Variants in ATF3 observed in about 807,000 individuals in gnomAD.
The protein encoded by ATF3 is activating transcription factor 3.
In ATF3, 10 loss-of-function variants were observed where a neutral mutation model predicts 18.4. The ratio of observed to expected loss-of-function variants is 0.54; its 90% confidence interval spans 0.34 to 0.92. The LOEUF is 0.92. Among genes scored for constraint, ATF3 ranks in the 40% least tolerant of loss-of-function variants. The pLI is 0.02. For missense variants in ATF3, 183 were observed against 222.3 expected (o/e 0.82, Z 1.12); for synonymous variants, 78 against 87.9 (o/e 0.89, Z 0.63).
At position 212,618,271 on chromosome 1, in the gene ATF3, C is replaced by T. The variant is rs371355402; in HGVS notation, c.348+37C>T. 337 of 1,592,072 alleles carry T rather than the reference C, an allele frequency of 2.1e-4. No individual in the cohort carries two copies. Among genetic ancestry groups the T allele is most frequent in the Admixed American group, 2.8e-4 (17 of 59,960 alleles). On this transcript the variant is annotated intron_variant, in intron 3 of 3. Coordinates refer to ENST00000341491, the MANE Select transcript of ATF3 (RefSeq NM_001674.4). This position sits in a 1 kb window ranked among gnomAD's most constrained non-coding sequence, Gnocchi z 4.4. ...CTAGCCTTACCCTTCCTCTCGCTCA[C>T]GCCTGTCTTCACCAGCTTCATGTGG...
intron 1 of ATF3, among the ~76,000 whole-genome samples, chr1:212,597,046 AG>A (rs1339616315): frequency 2.0e-5 from 3 of 152,220 alleles, no homozygotes; most frequent in Non-Finnish European, 4.4e-5. Flanking sequence ...CTTTTATGTG[AG>A]GAAGATGCGG....
intron 1 of ATF3, among the ~76,000 whole-genome samples, chr1:212,610,515 C>T (rs1486398549): frequency 2.0e-5 from 3 of 152,112 alleles, no homozygotes; most frequent in South Asian, 2.1e-4. Flanking sequence ...CAGTTACTGT[C>T]GGAATGGTTT....
chr1:212,568,099 A>G (rs1181196498), intron 1 of ATF3, among the ~76,000 whole-genome samples: 1 of 152,248 alleles, frequency 6.6e-6, no homozygotes, highest in East Asian at 1.9e-4. Context: ...AAGTATTTGC[A>G]GAATTAATGA....
chr1:212,579,700 T>C (rs1664644330), intron 1 of ATF3, among the ~76,000 whole-genome samples: 1 of 152,208 alleles, frequency 6.6e-6, no homozygotes, highest in Non-Finnish European at 1.5e-5. Flanking sequence ...AAATCCAGGA[T>C]TCCTCTTCTG....
At chr1:212,571,978 C>G (rs1022484277) in intron 1 of ATF3, among the ~76,000 whole-genome samples, 2 of 151,928 alleles carry the variant, frequency 1.3e-5, no homozygotes, top group African/African-American at 4.8e-5. Context: ...TCCCAAAGTG[C>G]TGGGATTACA....
At chr1:212,602,630 G>A (rs1389346511) in intron 1 of ATF3, among the ~76,000 whole-genome samples, 1 of 152,082 alleles carries the variant, frequency 6.6e-6, no homozygotes, top group African/African-American at 2.4e-5. Context: ...TACCCTGTCT[G>A]TGCCTCAGTT....
chr1:212,607,812 A>C (rs1571781276), upstream of ATF3, among the ~76,000 whole-genome samples: 4 of 149,758 alleles, frequency 2.7e-5, no homozygotes, highest in African/African-American at 7.4e-5. Context: ...CTACCCTCCC[A>C]CCGGGTTGCC....
intron 1 of ATF3, among the ~76,000 whole-genome samples, chr1:212,588,478 G>A (rs1475368599): frequency 6.6e-6 from 1 of 152,064 alleles, no homozygotes; most frequent in Non-Finnish European, 1.5e-5. Flanking sequence ...AGCGCCTCAT[G>A]CCTATCAGAT....
intron 1 of ATF3, among the ~76,000 whole-genome samples, chr1:212,570,972 A>G (rs1342740550): frequency 6.6e-6 from 1 of 152,164 alleles, no homozygotes; most frequent in Non-Finnish European, 1.5e-5. Context: ...TTTTTCTTGG[A>G]TAAATACCTA....
chr1:212,572,287 C>A (rs61526449), intron 1 of ATF3, among the ~76,000 whole-genome samples: 13,205 of 151,962 alleles, frequency 0.087, 1,255 homozygotes, highest in African/African-American at 0.25. Flanking sequence ...GAAGCAGAGG[C>A]GGGCGGATCC....
intron 1 of ATF3, among the ~76,000 whole-genome samples, chr1:212,593,010 T>C (rs970738486): frequency 2.0e-5 from 3 of 151,124 alleles, no homozygotes; most frequent in African/African-American, 7.4e-5. Context: ...TGTGGCACTA[T>C]TCACAATAGC....
At chr1:212,615,698 C>G (rs529022897) in intron 2 of ATF3, among the ~76,000 whole-genome samples, 37 of 151,476 alleles carry the variant, frequency 2.4e-4, no homozygotes, top group African/African-American at 8.2e-4. Context: ...CATCTACTTG[C>G]GAGGCTGAGG....
At chr1:212,574,018 T>A (rs1172529246) in intron 1 of ATF3, among the ~76,000 whole-genome samples, 2 of 151,826 alleles carry the variant, frequency 1.3e-5, no homozygotes, top group African/African-American at 4.8e-5. Flanking sequence ...TTGAATTAAT[T>A]CCGTAAGTTT....
At chr1:212,597,160 G>A (rs528287738) in intron 1 of ATF3, among the ~76,000 whole-genome samples, 3 of 152,216 alleles carry the variant, frequency 2.0e-5, no homozygotes, top group African/African-American at 7.2e-5. Context: ...GACAATATGG[G>A]GCCTCCTCGG....
At chr1:212,606,245 C>T (rs1280147977), upstream of ATF3, among the ~76,000 whole-genome samples, 1 of 152,166 alleles carries the variant, frequency 6.6e-6, no homozygotes, top group Non-Finnish European at 1.5e-5. Context: ...TTCGTTTTCC[C>T]TGGGTAAGAG....
At chr1:212,583,780 G>T (rs1026201423) in intron 1 of ATF3, among the ~76,000 whole-genome samples, 1 of 152,164 alleles carries the variant, frequency 6.6e-6, no homozygotes, top group Non-Finnish European at 1.5e-5. Flanking sequence ...GGAAGGGGTG[G>T]GGCATAGTAA....
chr1:212,615,194 T>G lies in ATF3; in HGVS notation c.173T>G (p.Met58Arg). ...CAGAACAAGCACCTCTGCCACCGGA[T>G]GTCCTCTGCGCTGGAATCAGTCACT... Reference protein sequence around the residue: ...AIQNKHLCHRMSSALESVTVS... With the variant: ...AIQNKHLCHRRSSALESVTVS... The change falls in exon 2 of 4, where the codon ATG (methionine) becomes AGG (arginine). Residue 58 changes from methionine to arginine, a missense_variant. Transcript: ENST00000341491. 6.2e-7 allele frequency: 1 copy of G among 1,614,228 alleles called. No individual in the cohort carries two copies.
chr1:212,568,783 T>G (rs1664428220), intron 1 of ATF3, among the ~76,000 whole-genome samples: 1 of 152,108 alleles, frequency 6.6e-6, no homozygotes, highest in Non-Finnish European at 1.5e-5. Context: ...CCTCCACTGC[T>G]CTCTTTCTCT....
chr1:212,616,480 TAG>T, intron 2 of ATF3, among the ~76,000 whole-genome samples: 1 of 152,280 alleles, frequency 6.6e-6, no homozygotes, highest in South Asian at 2.1e-4. Context: ...ATTTTTTTAG[TAG>T]AGACGGGGTT....
Sources: allele counts gnomAD v4.1 joint callset (sites outside exome capture counted in the v4.1 genomes callset), GRCh38; gene constraint gnomAD v4.1.1; non-coding constraint Gnocchi (gnomAD v3.1); transcripts MANE v1.5; gene names NCBI Gene and HGNC (gene_info 2026-07-23, HGNC 2026-07-21).